Variants in ZMYM4 observed in about 807,000 individuals in gnomAD.
ZMYM4 encodes the protein zinc finger MYM-type protein 4.
A neutral mutation model predicts 183.2 loss-of-function variants in ZMYM4; 31 were observed. The ratio of observed to expected loss-of-function variants is 0.17; its 90% CI spans 0.13 to 0.23. ZMYM4 has a LOEUF of 0.23. Ranked by LOEUF, ZMYM4 falls within the 10% of genes least tolerant of loss-of-function variation. ZMYM4 has a pLI of 1.00. For synonymous variants in ZMYM4, 592 were observed against 631.2 expected (o/e 0.94, Z 0.93); for missense variants, 1,273 against 1,840.3 (o/e 0.69, Z 5.64).
At chr1:35,358,762 A>G in intron 2 of ZMYM4, 163 bp from the exon 3 acceptor site, 5 of 595,432 alleles carry the variant, frequency 8.4e-6, no homozygotes, top group South Asian at 6.0e-5. Context: ...TCAGATAGGA[A>G]TAGTTATATC....
At chr1:35,400,224 C>T (rs1180508206) in intron 23 of ZMYM4, 3 of 81,914 alleles carry the variant, frequency 3.7e-5, no homozygotes, top group Non-Finnish European at 6.2e-5. Context: ...TTTTTTGAGA[C>T]GGAGTTTCGC....
intron 2 of ZMYM4, among the ~76,000 whole-genome samples, chr1:35,355,807 A>G (rs1218495453): frequency 6.6e-6 from 1 of 152,156 alleles, no homozygotes; most frequent in Non-Finnish European, 1.5e-5. Flanking sequence ...AGTTTATTTA[A>G]TATTACTGTT....
intron 23 of ZMYM4, 194 bp from the exon 24 acceptor site, chr1:35,404,829 C>G: frequency 2.1e-6 from 1 of 480,154 alleles, no homozygotes; most frequent in Non-Finnish European, 3.5e-6. Flanking sequence ...TAAACTTTTT[C>G]TTTCTTCCTT....
At chr1:35,384,053 A>G (rs1211804913) in intron 9 of ZMYM4, among the ~76,000 whole-genome samples, 1 of 152,188 alleles carries the variant, frequency 6.6e-6, no homozygotes, top group Non-Finnish European at 1.5e-5. Context: ...CATTCAACAA[A>G]CATTAGATAT....
At chr1:35,324,322 C>T (rs1412592599) in intron 1 of ZMYM4, among the ~76,000 whole-genome samples, 1 of 151,818 alleles carries the variant, frequency 6.6e-6, no homozygotes, top group Admixed American at 6.6e-5. Flanking sequence ...TGGTCTTGAT[C>T]TCCTGACCTT....
At position 35,392,201 on chromosome 1, in the gene ZMYM4, A is replaced by G. The variant is rs1214046264; in HGVS notation, c.2588-11A>G. The stretch of plus-strand genomic sequence containing the variant: ...ACGTGAGGTTTCCTTATTTTTGTTT[A>G]TTTTAATCAGCAAATATTTCCATGG... On this transcript the variant is annotated splice_polypyrimidine_tract_variant and intron_variant, in intron 15 of 29. Transcript: ENST00000314607. 1 of 1,614,074 alleles carries G rather than the reference A, an allele frequency of 6.2e-7. No homozygotes were observed. Among genetic ancestry groups the G allele is most frequent in the Admixed American group, 1.7e-5 (1 of 60,016 alleles).
chr1:35,396,777 T>C, intron 19 of ZMYM4, 107 bp downstream of exon 19: 2 of 1,279,770 alleles, frequency 1.6e-6, no homozygotes, highest in Non-Finnish European at 2.1e-6. Flanking sequence ...ATATACCTGC[T>C]TCTGATTGGC....
At chr1:35,272,000 G>T (rs1223533273) in intron 1 of ZMYM4, among the ~76,000 whole-genome samples, 1 of 152,138 alleles carries the variant, frequency 6.6e-6, no homozygotes, top group Non-Finnish European at 1.5e-5. Flanking sequence ...AATATTTTTT[G>T]ATCCATAATT....
intron 1 of ZMYM4, among the ~76,000 whole-genome samples, chr1:35,303,530 C>A (rs1641388240): frequency 6.6e-6 from 1 of 151,852 alleles, no homozygotes; most frequent in Admixed American, 6.6e-5. Context: ...CTCACCCTCC[C>A]AAGTGGCTGC....
intron 1 of ZMYM4, among the ~76,000 whole-genome samples, chr1:35,297,440 G>A (rs780941508): frequency 1.5e-4 from 23 of 150,730 alleles, no homozygotes; most frequent in African/African-American, 4.9e-4. Flanking sequence ...GCAGTGAGCC[G>A]AGGTCACGCC....
At chr1:35,408,210 A>T in intron 26 of ZMYM4, 51 bp downstream of exon 26, 1 of 1,600,588 alleles carries the variant, frequency 6.2e-7, no homozygotes, top group Non-Finnish European at 8.5e-7. Flanking sequence ...CATTGACCAG[A>T]ATATGTCCCC....
At chr1:35,320,516 ATGAGCTGCTTTAGCAAATTAATTGAACC>A (rs1642237101) in intron 1 of ZMYM4, among the ~76,000 whole-genome samples, 1 of 152,100 alleles carries the variant, frequency 6.6e-6, no homozygotes, top group African/African-American at 2.4e-5. Context: ...CCTGAGATCC[ATGAGCTGCTTTAGCAAATTAATTGAACC>A]TGAGGTGGGG....
At chr1:35,400,826 T>A (rs1319372428) in intron 23 of ZMYM4, among the ~76,000 whole-genome samples, 1 of 152,222 alleles carries the variant, frequency 6.6e-6, no homozygotes, top group East Asian at 1.9e-4. Flanking sequence ...TGCCACTGCT[T>A]TGCCTTTTCT....
chr1:35,302,076 G>C (rs955769335), intron 1 of ZMYM4, among the ~76,000 whole-genome samples: 11 of 152,002 alleles, frequency 7.2e-5, no homozygotes, highest in Admixed American at 1.3e-4. Flanking sequence ...TTGAAATCCT[G>C]TTCCATTCAT....
intron 29 of ZMYM4, 50 bp downstream of exon 29, chr1:35,418,622 AT>A: frequency 2.5e-6 from 4 of 1,599,702 alleles, no homozygotes; most frequent in Middle Eastern, 1.7e-4. Context: ...CAGTTAACAT[AT>A]TTTGGATTTC....
At chr1:35,352,082 TA>T (rs1231713150) in intron 2 of ZMYM4, among the ~76,000 whole-genome samples, 1 of 151,892 alleles carries the variant, frequency 6.6e-6, no homozygotes, top group African/African-American at 2.4e-5. Flanking sequence ...TTCTCAATCT[TA>T]AAAAAAATTC....
chr1:35,394,162 CTTTTTTTTTTTTTTTTTTTTTT>C (rs34277367), intron 18 of ZMYM4, among the ~76,000 whole-genome samples: 4 of 68,394 alleles, frequency 5.8e-5, no homozygotes, highest in Non-Finnish European at 1.1e-4. Flanking sequence ...TCAGAGCTTT[CTTTTTTTTTTTTTTTTTTTTTT>C]TTTTTTTTAT....
intron 9 of ZMYM4, among the ~76,000 whole-genome samples, chr1:35,382,776 T>A (rs1234849418): frequency 6.6e-6 from 1 of 152,112 alleles, no homozygotes; most frequent in Admixed American, 6.6e-5. Flanking sequence ...TCAAAAGTGA[T>A]TTGTATTCTT....
At chr1:35,307,497 TA>T (rs933540028) in intron 1 of ZMYM4, among the ~76,000 whole-genome samples, 7 of 150,340 alleles carry the variant, frequency 4.7e-5, no homozygotes, top group Admixed American at 1.3e-4. Flanking sequence ...TTTAATTGTT[TA>T]AAAAAAATTT....
Sources: allele counts gnomAD v4.1 joint callset (sites outside exome capture counted in the v4.1 genomes callset), GRCh38; gene constraint gnomAD v4.1.1; transcripts MANE v1.5; gene names NCBI Gene and HGNC (gene_info 2026-07-23, HGNC 2026-07-21).